TENM3: variants seen among roughly 807,000 people sequenced by gnomAD.
TENM3 encodes teneurin-3.
A neutral mutation model predicts 255.1 loss-of-function variants in TENM3; 63 were observed. The observed-to-expected ratio is 0.25, with a 90% CI of 0.20 to 0.30. TENM3 has a LOEUF of 0.30. TENM3 is among the 10% of genes least tolerant of loss of function. The pLI, the probability that TENM3 is intolerant of heterozygous loss-of-function variation, is 1.00. For missense variants in TENM3, 2,929 were observed against 3,461.1 expected (o/e 0.85, Z 3.86); for synonymous variants, 1,306 against 1,322.3 (o/e 0.99, Z 0.27).
intron 1 of TENM3, among the ~76,000 whole-genome samples, chr4:182,203,719 T>C (rs2149841933): frequency 6.6e-6 from 1 of 152,274 alleles, no homozygotes; most frequent in South Asian, 2.1e-4. Context: ...AGGGATTTGC[T>C]ACAGTTCTTG....
intron 24 of TENM3, among the ~76,000 whole-genome samples, chr4:182,775,990 T>G (rs1010423489): frequency 6.6e-6 from 1 of 151,976 alleles, no homozygotes; most frequent in Non-Finnish European, 1.5e-5. Flanking sequence ...TATATATATA[T>G]AGATAGATAG....
At chr4:181,853,962 T>C in the TENM3 span, among the ~76,000 whole-genome samples, 1 of 152,224 alleles carries the variant, frequency 6.6e-6, no homozygotes, top group Admixed American at 6.5e-5. Flanking sequence ...CCTAGCAGGA[T>C]TTTTTAAATG....
chr4:182,067,644 A>T, the TENM3 span, among the ~76,000 whole-genome samples: 2 of 152,108 alleles, frequency 1.3e-5, no homozygotes, highest in African/African-American at 2.4e-5. Context: ...ACCTGAAGAA[A>T]CCTAGTTTCT....
At chr4:182,602,358 G>A (rs944155948) in intron 4 of TENM3, among the ~76,000 whole-genome samples, 1 of 152,162 alleles carries the variant, frequency 6.6e-6, no homozygotes, top group Admixed American at 6.5e-5. Context: ...TAGAGCTTCC[G>A]GTTAACATTA....
chr4:181,628,124 A>G, the TENM3 span, among the ~76,000 whole-genome samples: 1 of 152,188 alleles, frequency 6.6e-6, no homozygotes, highest in African/African-American at 2.4e-5. Context: ...TTTTGGCTGC[A>G]TAAATGTCTT....
At chr4:182,095,221 C>T in the TENM3 span, among the ~76,000 whole-genome samples, 1 of 152,198 alleles carries the variant, frequency 6.6e-6, no homozygotes, top group South Asian at 2.1e-4. Context: ...GAGATAACTG[C>T]ACTCCCATGT....
chr4:181,557,827 G>T, the TENM3 span, among the ~76,000 whole-genome samples: 3 of 152,120 alleles, frequency 2.0e-5, no homozygotes, highest in Non-Finnish European at 4.4e-5. Flanking sequence ...CACCACGCCT[G>T]ACCTCTCCAT....
At chr4:182,407,867 A>G (rs1769691995) in intron 3 of TENM3, among the ~76,000 whole-genome samples, 1 of 152,208 alleles carries the variant, frequency 6.6e-6, no homozygotes, top group Admixed American at 6.5e-5. Context: ...TATTTTTGTC[A>G]AAAAGTATAT....
chr4:182,541,778 G>T (rs939246544), intron 3 of TENM3, among the ~76,000 whole-genome samples: 10 of 152,048 alleles, frequency 6.6e-5, no homozygotes, highest in African/African-American at 2.4e-4. Context: ...GTAACAACAG[G>T]CCAGGCACAG....
the TENM3 span, among the ~76,000 whole-genome samples, chr4:181,601,108 C>T: frequency 1.3e-5 from 2 of 152,168 alleles, no homozygotes; most frequent in African/African-American, 2.4e-5. Context: ...GAATTTCTCC[C>T]AGGTGGGATA....
the TENM3 span, among the ~76,000 whole-genome samples, chr4:181,947,800 T>C: frequency 6.6e-6 from 1 of 152,136 alleles, no homozygotes; most frequent in African/African-American, 2.4e-5. Flanking sequence ...AGTGGCAAAA[T>C]CTGAACTGTA....
chr4:182,466,529 C>T (rs1212049847), intron 3 of TENM3, among the ~76,000 whole-genome samples: 2 of 149,246 alleles, frequency 1.3e-5, no homozygotes, highest in Non-Finnish European at 3.0e-5. Context: ...GGTGGGGTCT[C>T]CCTATATTGC....
the TENM3 span, among the ~76,000 whole-genome samples, chr4:181,917,640 C>T: frequency 6.6e-6 from 1 of 151,330 alleles, no homozygotes; most frequent in African/African-American, 2.4e-5. Flanking sequence ...CAGCATAGTT[C>T]CTCAGACTTC....
the TENM3 span, among the ~76,000 whole-genome samples, chr4:181,970,925 T>C: frequency 6.6e-6 from 1 of 152,208 alleles, no homozygotes; most frequent in Non-Finnish European, 1.5e-5. Flanking sequence ...TTTTTCATGC[T>C]ACAGTTCCAA....
At chr4:181,844,439 C>G in the TENM3 span, among the ~76,000 whole-genome samples, 1 of 151,956 alleles carries the variant, frequency 6.6e-6, no homozygotes, top group African/African-American at 2.4e-5. Flanking sequence ...GAGGCCGAGG[C>G]GGGCGGATCA....
the TENM3 span, among the ~76,000 whole-genome samples, chr4:181,778,904 A>G: frequency 2.0e-5 from 3 of 152,278 alleles, no homozygotes; most frequent in East Asian, 5.8e-4. Context: ...TGTGAATATT[A>G]TGAAATGAGG....
the TENM3 span, among the ~76,000 whole-genome samples, chr4:182,051,032 C>T: frequency 6.6e-6 from 1 of 151,992 alleles, no homozygotes; most frequent in African/African-American, 2.4e-5. Flanking sequence ...TGTTTCAAGA[C>T]TCCTTGGGCC....
chr4:182,362,322 G>T (rs1237688015), intron 3 of TENM3, among the ~76,000 whole-genome samples: 2 of 152,028 alleles, frequency 1.3e-5, no homozygotes, highest in African/African-American at 4.8e-5. Context: ...TGCACCCAGA[G>T]GTGGAGCCTA....
chr4:182,518,679 C>A (rs1471082943), intron 3 of TENM3, among the ~76,000 whole-genome samples: 1 of 152,170 alleles, frequency 6.6e-6, no homozygotes, highest in Non-Finnish European at 1.5e-5. Flanking sequence ...AACTGCAGCT[C>A]AGCTGACACC....
Sources: gnomAD v4.1 joint callset for allele counts (sites outside exome capture counted in the v4.1 genomes callset) on GRCh38, gnomAD v4.1.1 for gene constraint, MANE v1.5 for transcripts, NCBI Gene and HGNC (gene_info 2026-07-23, HGNC 2026-07-21) for gene names.